Variants in TRIM44 observed in about 807,000 individuals in gnomAD.
The protein encoded by TRIM44 is tripartite motif-containing protein 44.
Under a neutral mutation model 37.4 loss-of-function variants are expected in TRIM44, and 13 were observed. The observed-to-expected ratio is 0.35, with a 90% CI of 0.23 to 0.55. TRIM44 has a LOEUF of 0.55. Among genes scored for constraint, TRIM44 ranks in the 20% least tolerant of loss-of-function variants. TRIM44 has a pLI of 0.89. For missense variants in TRIM44, 426 were observed against 437.2 expected (o/e 0.97, Z 0.23); for synonymous variants, 175 against 157.2 (o/e 1.11, Z -0.85).
At chr11:35,728,076 A>G (rs1252026226) in intron 3 of TRIM44, among the ~76,000 whole-genome samples, 1 of 152,242 alleles carries the variant, frequency 6.6e-6, no homozygotes, top group African/African-American at 2.4e-5. Context: ...CTGTAATCCC[A>G]GCACTTTGGC....
At chr11:35,749,096 A>G (rs1237692394) in intron 4 of TRIM44, among the ~76,000 whole-genome samples, 2 of 152,214 alleles carry the variant, frequency 1.3e-5, no homozygotes, top group Non-Finnish European at 2.9e-5. Context: ...AGTGAGTCTC[A>G]GTTGGAGGAG....
intron 4 of TRIM44, among the ~76,000 whole-genome samples, chr11:35,779,031 C>G (rs552984910): frequency 2.0e-5 from 3 of 152,292 alleles, no homozygotes; most frequent in Admixed American, 1.3e-4. Context: ...TCAGCTATGC[C>G]CTGCCCCCAG....
chr11:35,676,441 A>C (rs1482483692), intron 1 of TRIM44, among the ~76,000 whole-genome samples: 1 of 152,066 alleles, frequency 6.6e-6, no homozygotes, highest in Non-Finnish European at 1.5e-5. Context: ...CTGGAGAAAA[A>C]CTTGTCTTTG....
Position 35,817,360 on chromosome 11 carries a change from C to A in TRIM44, c.*10975C>A, listed in dbSNP as rs1350625444. The A allele has an allele frequency of 6.6e-6, 1 of 152,220 alleles. No individual in the cohort carries two copies. Among genetic ancestry groups the A allele is most frequent in the Non-Finnish European group, 1.5e-5 (1 of 68,048 alleles). 9.4% of individuals were successfully genotyped at this position (152,220 alleles called of 1,614,324 possible). On this transcript the variant is annotated 3_prime_UTR_variant, in exon 5 of 5. Coordinates refer to ENST00000299413, the MANE Select transcript of TRIM44 (RefSeq NM_017583.6). ...ACAAGTTGTGTGGCATTTGGCACAT[C>A]ATGTTCTCTCTCTACATGCGCCTAA...
intron 4 of TRIM44, among the ~76,000 whole-genome samples, chr11:35,744,739 C>T (rs752872088): frequency 6.6e-5 from 10 of 152,132 alleles, no homozygotes; most frequent in Non-Finnish European, 1.2e-4. Context: ...AACCCTCTGA[C>T]AGGCCCCAAT....
intron 4 of TRIM44, among the ~76,000 whole-genome samples, chr11:35,770,653 A>T (rs1483194170): frequency 6.6e-6 from 1 of 152,148 alleles, no homozygotes; most frequent in Non-Finnish European, 1.5e-5. Flanking sequence ...AGTAATGTTG[A>T]ACATTTTTCC....
chr11:35,773,232 G>A (rs983794228), intron 4 of TRIM44, among the ~76,000 whole-genome samples: 10 of 152,134 alleles, frequency 6.6e-5, no homozygotes, highest in African/African-American at 2.4e-4. Flanking sequence ...TGCCAGTCTC[G>A]GTTATGTCTT....
intron 2 of TRIM44, among the ~76,000 whole-genome samples, chr11:35,719,208 G>A (rs915595295): frequency 6.6e-6 from 1 of 152,122 alleles, no homozygotes. Context: ...CGCAATGAAT[G>A]AGATTTTCTG....
chr11:35,799,427 TTTC>T (rs976441493), intron 4 of TRIM44, among the ~76,000 whole-genome samples: 3 of 152,184 alleles, frequency 2.0e-5, no homozygotes, highest in African/African-American at 7.2e-5. Context: ...CAGGTCTGTA[TTTC>T]TTCTTCTTCT....
chr11:35,680,039 C>G (rs1012779644), intron 1 of TRIM44, among the ~76,000 whole-genome samples: 1 of 152,110 alleles, frequency 6.6e-6, no homozygotes, highest in African/African-American at 2.4e-5. Flanking sequence ...AATTTTATAT[C>G]GTTTTGAGGA....
chr11:35,741,036 G>C (rs867349996), intron 4 of TRIM44, among the ~76,000 whole-genome samples: 1 of 152,006 alleles, frequency 6.6e-6, no homozygotes, highest in East Asian at 1.9e-4. Flanking sequence ...GATACGCTTA[G>C]GTTTCTTTTG....
chr11:35,785,758 A>G (rs1306529904), intron 4 of TRIM44, among the ~76,000 whole-genome samples: 1 of 152,226 alleles, frequency 6.6e-6, no homozygotes. Flanking sequence ...ATATAACTGA[A>G]GCAAAGCCAT....
intron 4 of TRIM44, among the ~76,000 whole-genome samples, chr11:35,773,286 A>T (rs2938184): frequency 1 from 151,121 of 151,670 alleles, 75,288 homozygotes; most frequent in Middle Eastern, 1. Context: ...CCTTTTTTTT[A>T]AAGAAGTATC....
intron 4 of TRIM44, among the ~76,000 whole-genome samples, chr11:35,768,759 T>C (rs1852829179): frequency 6.6e-6 from 1 of 152,188 alleles, no homozygotes; most frequent in African/African-American, 2.4e-5. Flanking sequence ...TCAAAAATGC[T>C]TTTGGTTAGA....
At position 35,726,110 on chromosome 11, in the gene TRIM44, C is replaced by A; in HGVS notation, c.934C>A (p.Gln312Lys). Residue 312 changes from glutamine (Q) to lysine (K), a missense_variant, in exon 3 of 5, where the codon CAA becomes AAA. Gln to Lys is a moderately conservative substitution (Grantham distance 53). Coordinates refer to ENST00000299413, the MANE Select transcript of TRIM44 (RefSeq NM_017583.6). ...HMDRLMTQMA[Q>K]AKEQLDTSNE... ...GGATAGGTTGATGACTCAGATGGCCCAAGCCAAGGAACAACTTGATACCTC... is the reference window on the plus strand; with the variant it reads ...GGATAGGTTGATGACTCAGATGGCCAAAGCCAAGGAACAACTTGATACCTC... The A allele has an allele frequency of 6.2e-7, 1 of 1,614,048 alleles. No homozygotes were observed. The highest frequency in any genetic ancestry group is 8.5e-7 in the Non-Finnish European group (1 of 1,180,016).
intron 1 of TRIM44, among the ~76,000 whole-genome samples, chr11:35,679,166 A>AT (rs1851497338): frequency 6.6e-6 from 1 of 152,058 alleles, no homozygotes; most frequent in Admixed American, 6.6e-5. Context: ...TTATATTTAC[A>AT]TTTTTGCTGA....
intron 2 of TRIM44, among the ~76,000 whole-genome samples, chr11:35,710,387 G>T (rs1286878972): frequency 6.6e-6 from 1 of 152,102 alleles, no homozygotes; most frequent in Non-Finnish European, 1.5e-5. Flanking sequence ...TAATTTTCCT[G>T]TCTACCCTTC....
rs1298994263 is a variant in TRIM44, at chr11:35,777,368, C to T, written c.1008-28990C>T. 1.1e-4 allele frequency among the ~76,000 whole-genome samples: 16 copies of T among 150,628 alleles called. No individual in the cohort carries two copies. In the East Asian group the frequency reaches 2.7e-3, roughly 26 times the overall value. On this transcript the variant is annotated intron_variant, in intron 4 of 4. Coordinates refer to ENST00000299413, the MANE Select transcript of TRIM44 (RefSeq NM_017583.6). ...GTGTGTCTCTGCATGTGAGATGGGT[C>T]TCCTGAATACAGCACACTGATGGGT...
Position 35,812,337 on chromosome 11 carries a change from A to AAAG in TRIM44, c.*5954_*5956dup, listed in dbSNP as rs1221987458. 1 of 152,220 alleles carries AAAG rather than the reference A, an allele frequency of 6.6e-6. No individual in the cohort carries two copies. Among genetic ancestry groups the AAAG allele is most frequent in the Non-Finnish European group, 1.5e-5 (1 of 68,040 alleles). 9.4% of individuals were successfully genotyped at this position (152,220 alleles called of 1,614,324 possible). A position where few individuals can be genotyped will look rare whatever the true frequency, so the allele number is the denominator to read the frequency against. On this transcript the variant is annotated 3_prime_UTR_variant, in exon 5 of 5. Coordinates refer to ENST00000299413, the MANE Select transcript of TRIM44 (RefSeq NM_017583.6). ...TGTCACAGAAATAGAAACAAAAGCA[A>AAAG]AAGACTGCTTGAAGTCAGTAACAGA...
Sources: allele counts gnomAD v4.1 joint callset (sites outside exome capture counted in the v4.1 genomes callset), GRCh38; gene constraint gnomAD v4.1.1; transcripts MANE v1.5; gene names NCBI Gene and HGNC (gene_info 2026-07-23, HGNC 2026-07-21).